Variants in TIPARP observed in about 807,000 individuals in gnomAD.
TIPARP encodes the protein TCDD inducible poly(ADP-ribose) polymerase.
A neutral mutation model predicts 56.5 loss-of-function variants in TIPARP; 12 were observed. The ratio of observed to expected loss-of-function variants is 0.21; its 90% confidence interval spans 0.14 to 0.34. The LOEUF is 0.34. Ranked by LOEUF, TIPARP falls within the 10% of genes least tolerant of loss-of-function variation. TIPARP has a pLI of 1.00. For synonymous variants in TIPARP, 296 were observed against 265.7 expected (o/e 1.11, Z -1.11); for missense variants, 604 against 781.6 (o/e 0.77, Z 2.71).
At chr3:156,697,819 G>C (rs1722754491) in intron 4 of TIPARP, among the ~76,000 whole-genome samples, 1 of 152,166 alleles carries the variant, frequency 6.6e-6, no homozygotes, top group Non-Finnish European at 1.5e-5. Context: ...GTGTTCAAGT[G>C]AAAGGAAGAG....
intron 2 of TIPARP, among the ~76,000 whole-genome samples, chr3:156,691,748 A>C (rs1312464863): frequency 6.6e-6 from 1 of 152,194 alleles, no homozygotes; most frequent in Admixed American, 6.6e-5. Context: ...AAGATAATTT[A>C]ATGTTTTTCA....
chr3:156,685,338 C>G (rs1027285801), intron 2 of TIPARP, among the ~76,000 whole-genome samples: 1 of 152,220 alleles, frequency 6.6e-6, no homozygotes, highest in Non-Finnish European at 1.5e-5. Context: ...AAGTAAAGAA[C>G]CTTTGCATGG....
In TIPARP at chr3:156,703,404, T is replaced by A. The variant is rs1199289370; in HGVS notation, c.1248-20T>A. On this transcript the variant is annotated intron_variant, in intron 4 of 5. Coordinates refer to ENST00000295924, the MANE Select transcript of TIPARP (RefSeq NM_015508.5). ...TATTTCTTAATGTTTTACATTGATG[T>A]TTCTTCCTCTCCATTTTAGGACACT... 1 of 1,611,116 alleles carries A rather than the reference T, an allele frequency of 6.2e-7. No homozygotes were observed. Among genetic ancestry groups the A allele is most frequent in the Non-Finnish European group, 8.5e-7 (1 of 1,178,810 alleles).
chr3:156,689,713 A>G (rs371635613), intron 2 of TIPARP, among the ~76,000 whole-genome samples: 1 of 152,206 alleles, frequency 6.6e-6, no homozygotes, highest in Admixed American at 6.5e-5. Flanking sequence ...CATATACCCT[A>G]ACCTCCCACA....
chr3:156,683,263 T>C (rs1722348840), intron 2 of TIPARP, among the ~76,000 whole-genome samples: 2 of 152,174 alleles, frequency 1.3e-5, no homozygotes, highest in African/African-American at 4.8e-5. Context: ...TATTTTATCA[T>C]TGAGTTGAAT....
chr3:156,679,385 C>T (rs345985), intron 2 of TIPARP, among the ~76,000 whole-genome samples: 63,363 of 111,488 alleles, frequency 0.57, 13,458 homozygotes, highest in Middle Eastern at 0.6. Flanking sequence ...ACTGGTATTT[C>T]CACATCTGAA....
At chr3:156,687,556 ATTAT>A (rs968408482) in intron 2 of TIPARP, among the ~76,000 whole-genome samples, 2 of 152,112 alleles carry the variant, frequency 1.3e-5, no homozygotes, top group Non-Finnish European at 2.9e-5. Flanking sequence ...ATTGTATGGT[ATTAT>A]TTATTAGGGG....
At chr3:156,686,613 G>A (rs1722434899) in intron 2 of TIPARP, among the ~76,000 whole-genome samples, 1 of 152,126 alleles carries the variant, frequency 6.6e-6, no homozygotes, top group South Asian at 2.1e-4. Context: ...AGTTCATCTG[G>A]ACTAATTGGG....
At chr3:156,677,412 A>G (rs1722160765) in intron 1 of TIPARP, among the ~76,000 whole-genome samples, 1 of 152,154 alleles carries the variant, frequency 6.6e-6, no homozygotes, top group African/African-American at 2.4e-5. Context: ...CAGTCCACAA[A>G]TGCATGCCAA....
At chr3:156,675,207 C>T (rs1722088289) in intron 1 of TIPARP, 2 of 152,124 alleles carry the variant, frequency 1.3e-5, no homozygotes, top group South Asian at 4.1e-4. Flanking sequence ...GCTACGGGAG[C>T]CTTCCGGCTA....
chr3:156,676,936 G>A (rs1577032365), intron 1 of TIPARP, among the ~76,000 whole-genome samples: 2 of 152,146 alleles, frequency 1.3e-5, no homozygotes, highest in Admixed American at 1.3e-4. Flanking sequence ...CTGACACATC[G>A]TGCAGTGGTT....
intron 2 of TIPARP, among the ~76,000 whole-genome samples, chr3:156,687,055 T>G (rs1475029339): frequency 6.6e-6 from 1 of 152,168 alleles, no homozygotes; most frequent in Non-Finnish European, 1.5e-5. Flanking sequence ...TATCTACTCT[T>G]TATAAAAATC....
intron 4 of TIPARP, among the ~76,000 whole-genome samples, chr3:156,701,983 A>G (rs1228451516): frequency 1.5e-5 from 2 of 136,522 alleles, no homozygotes; most frequent in Non-Finnish European, 3.1e-5. Flanking sequence ...GCTTCTTGAA[A>G]GTCATCTCCT....
chr3:156,680,936 C>A (rs989874355), intron 2 of TIPARP, among the ~76,000 whole-genome samples: 1 of 152,100 alleles, frequency 6.6e-6, no homozygotes, highest in Non-Finnish European at 1.5e-5. Context: ...TGGTCCTGTC[C>A]TAGGAAAATA....
intron 5 of TIPARP, among the ~76,000 whole-genome samples, chr3:156,704,242 T>C (rs1055551343): frequency 2.0e-5 from 3 of 152,290 alleles, no homozygotes; most frequent in African/African-American, 7.2e-5. Flanking sequence ...ATGCGGCTAT[T>C]ATGATATGGT....
At chr3:156,703,190 G>T (rs537175127) in intron 4 of TIPARP, among the ~76,000 whole-genome samples, 76 of 152,232 alleles carry the variant, frequency 5.0e-4, no homozygotes, top group Non-Finnish European at 9.0e-4. Context: ...ACATTCCAGA[G>T]TTTTCTTCAC....
At chr3:156,693,093 A>T (rs1722617792) in intron 2 of TIPARP, among the ~76,000 whole-genome samples, 1 of 152,182 alleles carries the variant, frequency 6.6e-6, no homozygotes, top group Admixed American at 6.6e-5. Context: ...ACACTATGCT[A>T]CAATATCTGT....
intron 2 of TIPARP, among the ~76,000 whole-genome samples, chr3:156,679,991 CTT>C (rs1327559794): frequency 6.6e-6 from 1 of 152,020 alleles, no homozygotes; most frequent in African/African-American, 2.4e-5. Context: ...AAATGGTTGT[CTT>C]TTAATAATTT....
chr3:156,689,300 C>T (rs1033775491), intron 2 of TIPARP, among the ~76,000 whole-genome samples: 23 of 152,110 alleles, frequency 1.5e-4, no homozygotes, highest in Admixed American at 1.4e-3. Flanking sequence ...TTCTGCCCCA[C>T]GTGTAATTAT....
Sources: gnomAD v4.1 joint callset for allele counts (sites outside exome capture counted in the v4.1 genomes callset) on GRCh38, gnomAD v4.1.1 for gene constraint, MANE v1.5 for transcripts, NCBI Gene and HGNC (gene_info 2026-07-23, HGNC 2026-07-21) for gene names.